Variants in RRP36 observed in about 807,000 individuals in gnomAD.
The protein encoded by RRP36 is ribosomal RNA processing protein 36 homolog.
In RRP36, 44 loss-of-function variants were observed where a neutral mutation model predicts 39.8. The observed-to-expected ratio is 1.10, with a 90% CI of 0.87 to 1.42. RRP36 has a LOEUF of 1.42. RRP36 is among the 40% of genes most tolerant of loss of function. The probability of loss-of-function intolerance (pLI) is 0.00; values close to 1 mark genes in which losing one functional copy is unlikely to be tolerated. For missense variants in RRP36, 316 were observed against 322.4 expected, an observed-to-expected ratio of 0.98 and a Z score of 0.15; for synonymous variants, 124 against 123.1, an observed-to-expected ratio of 1.01 and a Z score of -0.05.
intron 1 of RRP36, among the ~76,000 whole-genome samples, chr6:43,024,633 G>A (rs1342508439): frequency 6.6e-6 from 1 of 152,160 alleles, no homozygotes; most frequent in Non-Finnish European, 1.5e-5. Context: ...CTGAGCATGT[G>A]GACCAGGACA....
chr6:43,029,550 G>A lies in RRP36; in HGVS notation c.*322G>A, dbSNP rs1433443452. ...CATGGAGTCTGTTCGTGACTCCCAG[G>A]GCTGGGACATTATGTAGGAGCCACT... On this transcript the variant is annotated 3_prime_UTR_variant, in exon 7 of 7. Coordinates refer to ENST00000244496, the MANE Select transcript of RRP36 (RefSeq NM_033112.4). 1 of 247,980 alleles carries A rather than the reference G, an allele frequency of 4.0e-6. No homozygotes were observed. The highest frequency in any genetic ancestry group is 7.7e-6 in the Non-Finnish European group (1 of 129,668). The allele number at this position is 247,980 out of a possible 1,614,324, so 15.4% of individuals were successfully genotyped here.
chr6:43,028,783 T>G (rs1383707972), intron 6 of RRP36, among the ~76,000 whole-genome samples: 2 of 151,822 alleles, frequency 1.3e-5, no homozygotes, highest in Non-Finnish European at 2.9e-5. Flanking sequence ...TAACCCTGTT[T>G]CTACTAAAAA....
In RRP36 at chr6:43,026,209, T is replaced by C. The variant is rs973782206; in HGVS notation, c.450+68T>C. 4.5e-6 allele frequency: 5 copies of C among 1,117,568 alleles called. No individual in the cohort carries two copies. In the African/African-American group the frequency reaches 7.6e-5, roughly 17 times the overall value. The allele number at this position is 1,117,568 out of a possible 1,614,324, so 69.2% of individuals were successfully genotyped here. On this transcript the variant is annotated intron_variant, in intron 4 of 6. Transcript: ENST00000244496. ...GAAAATGAGGGCACAGGTTAGAGAG[T>C]TGGGCAGGGGGAGTGGGAAGTATAG... is the stretch of plus-strand genomic sequence containing the variant.
intron 6 of RRP36, among the ~76,000 whole-genome samples, 178 bp from the exon 7 acceptor site, chr6:43,028,914 C>T (rs573862027): frequency 6.6e-6 from 1 of 152,228 alleles, no homozygotes. Flanking sequence ...GATCGCGTCA[C>T]TGCACTCCAG....
chr6:43,028,457 G>A (rs749337336), intron 6 of RRP36, among the ~76,000 whole-genome samples: 13 of 151,754 alleles, frequency 8.6e-5, no homozygotes, highest in Non-Finnish European at 1.6e-4. Context: ...AGACCAGCCT[G>A]GCAAACATGG....
At chr6:43,027,766 CACACACA>C (rs1762843074) in intron 6 of RRP36, among the ~76,000 whole-genome samples, 1 of 76,972 alleles carries the variant, frequency 1.3e-5, no homozygotes, top group African/African-American at 1.6e-4. Context: ...CTACACTACA[CACACACA>C]CACACACACA....
intron 4 of RRP36, 97 bp downstream of exon 4, chr6:43,026,238 T>C (rs1412530218): frequency 9.3e-6 from 7 of 753,016 alleles, no homozygotes; most frequent in African/African-American, 1.7e-5. Flanking sequence ...AGTATAGTGG[T>C]GGGCAGATTT....
In RRP36 at chr6:43,027,234, G is replaced by A; in HGVS notation, c.507G>A (p.Gln169=). ...HLSGEEHEKL[Q]QLLQRMEQQE... ...CAGGAGAGGAGCATGAGAAACTGCA[G>A]CAACTGCTTCAGCGAATGGTGAGTG... The change falls in exon 5 of 7, where the codon CAG becomes CAA. Residue 169 remains glutamine, a synonymous_variant. Transcript: ENST00000244496. 6.2e-7 allele frequency: 1 copy of A among 1,614,228 alleles called. No individual in the cohort carries two copies. The highest frequency in any genetic ancestry group is 1.6e-4 in the Middle Eastern group (1 of 6,062).
Position 43,021,651 on chromosome 6 carries a change from G to C in RRP36, c.-4G>C, listed in dbSNP as rs756828133. On this transcript the variant is annotated 5_prime_UTR_variant, in exon 1 of 7. Coordinates refer to ENST00000244496, the MANE Select transcript of RRP36 (RefSeq NM_033112.4). Reference sequence around the variant, plus strand: ...ATTCGTCTTCCGAGCGCTACTGCCAGCTGATGCCGGGAGCTAACTACCGCG... The same window carrying C: ...ATTCGTCTTCCGAGCGCTACTGCCACCTGATGCCGGGAGCTAACTACCGCG... 7.8e-7 allele frequency: 1 copy of C among 1,284,176 alleles called. No individual in the cohort carries two copies. Among genetic ancestry groups the C allele is most frequent in the Non-Finnish European group, 9.9e-7 (1 of 1,014,368 alleles). 79.5% of individuals were successfully genotyped at this position (1,284,176 alleles called of 1,614,324 possible).
intron 1 of RRP36, 102 bp from the exon 2 acceptor site, chr6:43,024,883 T>C: frequency 7.4e-7 from 1 of 1,349,470 alleles, no homozygotes; most frequent in Non-Finnish European, 1.0e-6. Flanking sequence ...ATTGGTCTGA[T>C]GGGGTATTAG....
At chr6:43,027,774 C>T (rs1438922731) in intron 6 of RRP36, among the ~76,000 whole-genome samples, 1 of 132,294 alleles carries the variant, frequency 7.6e-6, no homozygotes, top group African/African-American at 2.9e-5. Flanking sequence ...CACACACACA[C>T]ACACACACAC....
Position 43,025,053 on chromosome 6 carries a change from C to T in RRP36, c.199C>T (p.Gln67Ter). 1 of 1,614,180 alleles carries T rather than the reference C, an allele frequency of 6.2e-7. No individual in the cohort carries two copies. The highest frequency in any genetic ancestry group is 2.2e-5 in the East Asian group (1 of 44,886). Residue 67 changes from glutamine to a stop codon, truncating the protein, a stop_gained, in exon 2 of 7, where the codon CAA (glutamine) becomes TAA (stop). Transcript: ENST00000244496. LOFTEE classifies it high-confidence loss of function. ...QSQVGTKTYK[Q>*]LVAGNSPKKQ... ...CCAAGTGGGGACTAAGACGTACAAA[C>T]AATTGGTAGCTGGAAATAGTCCTAA... is the stretch of plus-strand genomic sequence containing the variant.
In RRP36 at chr6:43,027,244, C is replaced by T. The variant is rs1307302054; in HGVS notation, c.517C>T (p.Gln173Ter). 1 of 1,614,134 alleles carries T rather than the reference C, an allele frequency of 6.2e-7. No homozygotes were observed. Among genetic ancestry groups the T allele is most frequent in the Non-Finnish European group, 8.5e-7 (1 of 1,179,954 alleles). ...EEHEKLQQLL[Q>*]RMEQQEMAQQ... ...GCATGAGAAACTGCAGCAACTGCTT[C>T]AGCGAATGGTGAGTGGGTAATAATT... Residue 173 changes from glutamine (Q) to a stop codon, truncating the protein, a stop_gained, in exon 5 of 7, where the codon CAG (glutamine) becomes TAG (stop). Transcript: ENST00000244496. LOFTEE classifies it high-confidence loss of function.
chr6:43,021,809 TG>T, intron 1 of RRP36, 25 bp downstream of exon 1: 1 of 295,982 alleles, frequency 3.4e-6, no homozygotes, highest in Non-Finnish European at 5.1e-6. Context: ...CAGGGCGGGC[TG>T]GGGAGGGGAA....
intron 2 of RRP36, 40 bp from the exon 3 acceptor site, chr6:43,025,223 C>T (rs1561862878): frequency 1.2e-6 from 2 of 1,613,286 alleles, no homozygotes; most frequent in Admixed American, 1.7e-5. Context: ...CTTTGACCAA[C>T]ACTGGAGTCC....
chr6:43,024,993 A>G lies in RRP36; in HGVS notation c.139A>G (p.Asn47Asp). ...VARDLLRGTSNMSFEELLELQ... is the reference protein window; with the variant it reads ...VARDLLRGTSDMSFEELLELQ... ...CCTCCCCACTTCCACAGGCACATCT[A>G]ACATGTCATTTGAGGAGCTGTTGGA... The change falls in exon 2 of 7, where the codon AAC (asparagine) becomes GAC (aspartate). Residue 47 changes from asparagine (N) to aspartate (D), a missense_variant. Transcript: ENST00000244496. 6.2e-7 allele frequency: 1 copy of G among 1,613,958 alleles called. No individual in the cohort carries two copies. Among genetic ancestry groups the G allele is most frequent in the Non-Finnish European group, 8.5e-7 (1 of 1,180,040 alleles).
intron 6 of RRP36, among the ~76,000 whole-genome samples, chr6:43,027,960 C>G (rs879619488): frequency 1.3e-5 from 2 of 152,164 alleles, no homozygotes; most frequent in Non-Finnish European, 2.9e-5. Context: ...CACACACACA[C>G]ATGCACACAC....
In RRP36 at chr6:43,027,361, A is replaced by T; in HGVS notation, c.527A>T (p.Glu176Val). The T allele has an allele frequency of 4.3e-6, 7 of 1,614,186 alleles. No individual in the cohort carries two copies. Among genetic ancestry groups the T allele is most frequent in the Non-Finnish European group, 5.9e-6 (7 of 1,180,022 alleles). ...ACCCATCTCATCTTTGCTCCTCAGGAGCAGCAAGAAATGGCACAGCAGGAA... is the reference window on the plus strand; with the variant it reads ...ACCCATCTCATCTTTGCTCCTCAGGTGCAGCAAGAAATGGCACAGCAGGAA... ...EKLQQLLQRMEQQEMAQQERK... is the reference protein window; with the variant it reads ...EKLQQLLQRMVQQEMAQQERK... The change falls in exon 6 of 7, where the codon GAG becomes GTG. Residue 176 changes from glutamate to valine, a missense_variant and splice_region_variant. Glu to Val is a moderately radical substitution (Grantham distance 121). Transcript: ENST00000244496.
rs753063699 is a variant in RRP36, at chr6:43,027,497, T to G, written c.643+20T>G. Reference sequence around the variant, plus strand: ...AAAAATGTGAGTTGGGCACAACTGTTGCTAACAGGGACAGGGGTGCAGGGG... The same window carrying G: ...AAAAATGTGAGTTGGGCACAACTGTGGCTAACAGGGACAGGGGTGCAGGGG... On this transcript the variant is annotated intron_variant, in intron 6 of 6. Transcript: ENST00000244496. The G allele has an allele frequency of 6.3e-7, 1 of 1,595,678 alleles. No homozygotes were observed. Among genetic ancestry groups the G allele is most frequent in the Non-Finnish European group, 8.6e-7 (1 of 1,164,576 alleles).
Sources: allele counts gnomAD v4.1 joint callset (sites outside exome capture counted in the v4.1 genomes callset), GRCh38; gene constraint gnomAD v4.1.1; transcripts MANE v1.5; gene names NCBI Gene and HGNC (gene_info 2026-07-23, HGNC 2026-07-21).